The following RBPMS2 variants were observed in gnomAD, a reference collection of about 807,000 sequenced individuals.
RBPMS2 encodes RNA binding protein, mRNA processing factor 2.
RBPMS2 carries 14 observed loss-of-function variants against 25.7 expected under a neutral mutation model. That is an observed-to-expected ratio of 0.55 (90% CI 0.36 to 0.85). The LOEUF (loss-of-function observed/expected upper bound fraction) is 0.85, where lower values mean the gene tolerates loss of function less well. Among genes scored for constraint, RBPMS2 ranks in the 40% least tolerant of loss-of-function variants. The pLI, the probability that RBPMS2 is intolerant of heterozygous loss-of-function variation, is 0.01. For synonymous variants in RBPMS2, 127 were observed against 115.6 expected, an observed-to-expected ratio of 1.10 and a Z score of -0.63; for missense variants, 252 against 283.4, an observed-to-expected ratio of 0.89 and a Z score of 0.80.
chr15:64,774,084 T>TGAGCC (rs1006344185), intron 1 of RBPMS2, among the ~76,000 whole-genome samples: 5 of 152,186 alleles, frequency 3.3e-5, no homozygotes, highest in Non-Finnish European at 7.4e-5. Context: ...CTGGCGGCGC[T>TGAGCC]GAGCCCAGCC....
At chr15:64,773,025 C>CAG (rs753332132) in intron 1 of RBPMS2, among the ~76,000 whole-genome samples, 1 of 152,200 alleles carries the variant, frequency 6.6e-6, no homozygotes, top group Non-Finnish European at 1.5e-5. Context: ...GCCAGTGACC[C>CAG]AGCGCCTTTA....
chr15:64,743,303 C>T (rs974794618), intron 6 of RBPMS2, among the ~76,000 whole-genome samples: 1 of 152,268 alleles, frequency 6.6e-6, no homozygotes. Context: ...TCTGCTGGAT[C>T]CTGCCCTACA....
At chr15:64,756,313 T>C (rs11633412) in intron 1 of RBPMS2, among the ~76,000 whole-genome samples, 132,496 of 152,136 alleles carry the variant, frequency 0.87, 58,916 homozygotes, top group East Asian at 0.96. Context: ...GTCAGGAGCT[T>C]GAGACCAGCC....
intron 6 of RBPMS2, among the ~76,000 whole-genome samples, chr15:64,744,798 GTTTTTTTTTTTTT>G (rs748967917): frequency 5.6e-4 from 26 of 46,304 alleles, no homozygotes; most frequent in Admixed American, 8.2e-4. Flanking sequence ...GGTTTGTTTT[GTTTTTTTTTTTTT>G]TTTTTTTTTT....
At chr15:64,748,194 T>C (rs1173453512) in intron 6 of RBPMS2, among the ~76,000 whole-genome samples, 1 of 152,138 alleles carries the variant, frequency 6.6e-6, no homozygotes, top group Non-Finnish European at 1.5e-5. Context: ...CTGGGCTGCC[T>C]GGCATCCTCC....
chr15:64,753,488 G>A (rs1212328941), intron 1 of RBPMS2, among the ~76,000 whole-genome samples: 1 of 152,304 alleles, frequency 6.6e-6, no homozygotes, highest in African/African-American at 2.4e-5. Context: ...ACAGAGCCAA[G>A]AATGTCAAAG....
intron 1 of RBPMS2, among the ~76,000 whole-genome samples, chr15:64,753,763 C>A (rs1177732077): frequency 6.6e-6 from 1 of 152,098 alleles, no homozygotes; most frequent in East Asian, 1.9e-4. Flanking sequence ...GTGATGGCAC[C>A]TCACACCTCA....
At chr15:64,744,798 G>GTTTTTTTTTTTTTTTTTT (rs748967917) in intron 6 of RBPMS2, among the ~76,000 whole-genome samples, 6 of 46,300 alleles carry the variant, frequency 1.3e-4, no homozygotes, top group African/African-American at 3.7e-4. Flanking sequence ...GGTTTGTTTT[G>GTTTTTTTTTTTTTTTTTT]TTTTTTTTTT....
At position 64,751,595 on chromosome 15, in the gene RBPMS2, G is replaced by A; in HGVS notation, c.131C>T (p.Pro44Leu). 6.2e-7 allele frequency: 1 copy of A among 1,613,980 alleles called. No homozygotes were observed. Among genetic ancestry groups the A allele is most frequent in the Non-Finnish European group, 8.5e-7 (1 of 1,179,998 alleles). ...CCGGAAGAGCAAGTAGAGTTCTCTG[G>A]GTTTAATGTCCACAGGGAGGCCGCT... ...FVSGLPVDIKPRELYLLFRPF... is the reference protein window; with the variant it reads ...FVSGLPVDIKLRELYLLFRPF... The change falls in exon 2 of 8, where the codon CCC becomes CTC. Residue 44 changes from proline to leucine, a missense_variant. Transcript: ENST00000300069.
At chr15:64,750,427 T>C (rs755181440) in intron 2 of RBPMS2, 46 bp from the exon 3 acceptor site, 12 of 1,558,944 alleles carry the variant, frequency 7.7e-6, no homozygotes, top group Admixed American at 6.7e-5. Context: ...GAAGCGTATG[T>C]TGTGCTAGCC....
chr15:64,767,515 G>A (rs754921416), intron 1 of RBPMS2, among the ~76,000 whole-genome samples: 2 of 152,140 alleles, frequency 1.3e-5, no homozygotes, highest in African/African-American at 2.4e-5. Context: ...CCTCCAGCTC[G>A]CAGGATTGTC....
chr15:64,748,023 C>T (rs1447791984), intron 6 of RBPMS2, among the ~76,000 whole-genome samples: 2 of 151,680 alleles, frequency 1.3e-5, no homozygotes, highest in African/African-American at 2.4e-5. Context: ...AATCGAGGCA[C>T]AGCAATCTGT....
At chr15:64,752,494 C>T (rs1373349284) in intron 1 of RBPMS2, among the ~76,000 whole-genome samples, 1 of 152,154 alleles carries the variant, frequency 6.6e-6, no homozygotes, top group African/African-American at 2.4e-5. Flanking sequence ...CTGCTCTTAG[C>T]ATGGTGATGG....
chr15:64,758,748 G>A (rs2083755668), intron 1 of RBPMS2, among the ~76,000 whole-genome samples: 1 of 151,928 alleles, frequency 6.6e-6, no homozygotes, highest in African/African-American at 2.4e-5. Context: ...TGGGAGGGTG[G>A]GAGAGGGGTC....
At chr15:64,770,302 C>T (rs535819949) in intron 1 of RBPMS2, among the ~76,000 whole-genome samples, 12 of 152,330 alleles carry the variant, frequency 7.9e-5, no homozygotes, top group East Asian at 1.9e-4. Flanking sequence ...ACTCTGGGTT[C>T]AAATCCCAAC....
chr15:64,769,565 CAGG>C (rs1200627490), intron 1 of RBPMS2, among the ~76,000 whole-genome samples: 1 of 151,936 alleles, frequency 6.6e-6, no homozygotes, highest in East Asian at 1.9e-4. Context: ...GAGGCTGAGG[CAGG>C]AGAATGGCGT....
chr15:64,768,367 CAGTG>C (rs1250614518), intron 1 of RBPMS2, among the ~76,000 whole-genome samples: 1 of 151,976 alleles, frequency 6.6e-6, no homozygotes, highest in Non-Finnish European at 1.5e-5. Flanking sequence ...AGGCCAGGTG[CAGTG>C]ACTCAAACCT....
rs967383648 is a variant in RBPMS2, at chr15:64,740,458, G to A, written c.*550C>T. 6.6e-6 allele frequency: 1 copy of A among 152,278 alleles called. No homozygotes were observed. Among genetic ancestry groups the A allele is most frequent in the Non-Finnish European group, 1.5e-5 (1 of 68,094 alleles). 9.4% of individuals were successfully genotyped at this position (152,278 alleles called of 1,614,324 possible). ...CCCATCTATCTGTTGGGTGGAGGTG[G>A]GAGCTGAGCCTGGAAGCGTGTGGGG... On this transcript the variant is annotated 3_prime_UTR_variant, in exon 8 of 8. Coordinates refer to ENST00000300069, the MANE Select transcript of RBPMS2 (RefSeq NM_194272.3).
At chr15:64,744,798 G>GTTTTTTTTTTTTTTTTTTTTTT (rs748967917) in intron 6 of RBPMS2, among the ~76,000 whole-genome samples, 1 of 46,288 alleles carries the variant, frequency 2.2e-5, no homozygotes, top group African/African-American at 7.4e-5. Flanking sequence ...GGTTTGTTTT[G>GTTTTTTTTTTTTTTTTTTTTTT]TTTTTTTTTT....
Sources: gnomAD v4.1 joint callset for allele counts (sites outside exome capture counted in the v4.1 genomes callset) on GRCh38, gnomAD v4.1.1 for gene constraint, MANE v1.5 for transcripts, NCBI Gene and HGNC (gene_info 2026-07-23, HGNC 2026-07-21) for gene names.